Variants in FNBP1L observed in about 807,000 individuals in gnomAD.
FNBP1L encodes formin binding protein 1 like, also known as formin-binding protein 1-like.
Under a neutral mutation model 91.2 loss-of-function variants are expected in FNBP1L, and 36 were observed. The observed-to-expected ratio is 0.39, with a 90% confidence interval of 0.30 to 0.52. The LOEUF (loss-of-function observed/expected upper bound fraction) is 0.52. FNBP1L is among the 20% of genes least tolerant of loss of function. The pLI is 0.66. For synonymous variants in FNBP1L, 242 were observed against 237.0 expected (o/e 1.02, Z -0.19); for missense variants, 571 against 732.1 (o/e 0.78, Z 2.54).
chr1:93,527,795 T>C (rs546571489), intron 5 of FNBP1L, among the ~76,000 whole-genome samples: 1 of 151,814 alleles, frequency 6.6e-6, no homozygotes, highest in East Asian at 1.9e-4. Context: ...CCAGAACTAA[T>C]ATGCAGGAAA....
intron 2 of FNBP1L, among the ~76,000 whole-genome samples, chr1:93,507,604 G>C (rs1334141229): frequency 2.0e-5 from 3 of 150,582 alleles, no homozygotes; most frequent in Non-Finnish European, 4.5e-5. Flanking sequence ...AATGAGATCA[G>C]CTGCTTCGGA....
intron 16 of FNBP1L, chr1:93,551,820 T>C (rs1173395952): frequency 1.0e-6 from 1 of 985,324 alleles, no homozygotes; most frequent in African/African-American, 1.7e-5. Context: ...TTTCAATAAT[T>C]TACAAGCTTC....
chr1:93,489,664 G>A (rs1670031761), intron 1 of FNBP1L, among the ~76,000 whole-genome samples: 1 of 151,986 alleles, frequency 6.6e-6, no homozygotes, highest in South Asian at 2.1e-4. Context: ...AAGACTTGGA[G>A]GAGTTTCCCA....
chr1:93,450,269 A>C (rs1352340070), intron 1 of FNBP1L, among the ~76,000 whole-genome samples: 1 of 152,208 alleles, frequency 6.6e-6, no homozygotes, highest in African/African-American at 2.4e-5. Context: ...GTTTCTCAGC[A>C]ATCTGAAAAG....
At position 93,554,447 on chromosome 1, in the gene FNBP1L, G is replaced by A. The variant is rs918433629; in HGVS notation, c.*2031G>A. 3 of 152,594 alleles carry A rather than the reference G, an allele frequency of 2.0e-5. No individual in the cohort carries two copies. The highest frequency in any genetic ancestry group is 7.2e-5 in the African/African-American group (3 of 41,426). The allele number at this position is 152,594 out of a possible 1,614,324, so 9.5% of individuals were successfully genotyped here. A position where few individuals can be genotyped will look rare whatever the true frequency, so the allele number is the denominator to read the frequency against. ...GTGGAATAGTGCAACCTGTATATGG[G>A]TTATTATAATAGGAAAGACATTTGT... On this transcript the variant is annotated 3_prime_UTR_variant, in exon 17 of 17. Transcript: ENST00000271234.
At chr1:93,505,110 CTT>C (rs61426757) in intron 2 of FNBP1L, among the ~76,000 whole-genome samples, 14 of 125,180 alleles carry the variant, frequency 1.1e-4, no homozygotes, top group Admixed American at 1.7e-4. Flanking sequence ...CAGCTTCATT[CTT>C]TTTTTTTTTT....
At chr1:93,528,341 A>G (rs967464049) in intron 5 of FNBP1L, among the ~76,000 whole-genome samples, 1 of 152,188 alleles carries the variant, frequency 6.6e-6, no homozygotes, top group Non-Finnish European at 1.5e-5. Flanking sequence ...CATGGTTTAT[A>G]CAATGGGTCA....
At chr1:93,464,593 A>G (rs955723306) in intron 1 of FNBP1L, among the ~76,000 whole-genome samples, 9 of 152,090 alleles carry the variant, frequency 5.9e-5, no homozygotes, top group Non-Finnish European at 1.3e-4. Flanking sequence ...CATGTTTCCA[A>G]TTTCAATCAT....
intron 1 of FNBP1L, among the ~76,000 whole-genome samples, chr1:93,448,831 G>T (rs1378516365): frequency 6.6e-6 from 1 of 152,156 alleles, no homozygotes; most frequent in Non-Finnish European, 1.5e-5. Flanking sequence ...CCTCGCCCCA[G>T]GTATGGGGAC....
chr1:93,541,370 G>C (rs1468571743), intron 11 of FNBP1L, among the ~76,000 whole-genome samples: 1 of 152,114 alleles, frequency 6.6e-6, no homozygotes, highest in Non-Finnish European at 1.5e-5. Flanking sequence ...TTGTTATGCA[G>C]AAGGAAAATT....
chr1:93,483,412 A>G (rs1160323425), intron 1 of FNBP1L, among the ~76,000 whole-genome samples: 1 of 152,204 alleles, frequency 6.6e-6, no homozygotes, highest in Non-Finnish European at 1.5e-5. Context: ...TTACAGTCAC[A>G]GTAAGTCATG....
intron 2 of FNBP1L, among the ~76,000 whole-genome samples, chr1:93,511,994 A>G (rs890507012): frequency 2.7e-5 from 4 of 149,560 alleles, no homozygotes; most frequent in Non-Finnish European, 5.9e-5. Flanking sequence ...AAAAAGAGTC[A>G]AGACCCATCA....
At chr1:93,528,949 C>G (rs761718266) in intron 5 of FNBP1L, among the ~76,000 whole-genome samples, 4 of 151,978 alleles carry the variant, frequency 2.6e-5, no homozygotes, top group Non-Finnish European at 5.9e-5. Context: ...TTTTACATGG[C>G]TCAGTTGTGA....
chr1:93,457,854 C>T (rs1244095519), intron 1 of FNBP1L, among the ~76,000 whole-genome samples: 6 of 151,512 alleles, frequency 4.0e-5, no homozygotes, highest in South Asian at 2.1e-4. Context: ...TGCAGTGGCA[C>T]GATCTTGGCT....
chr1:93,485,595 T>C (rs1669870233), intron 1 of FNBP1L, among the ~76,000 whole-genome samples: 1 of 152,232 alleles, frequency 6.6e-6, no homozygotes, highest in South Asian at 2.1e-4. Context: ...AAGTATATTT[T>C]TACTCACATC....
chr1:93,477,799 C>T (rs1669549337), intron 1 of FNBP1L, among the ~76,000 whole-genome samples: 3 of 152,148 alleles, frequency 2.0e-5, no homozygotes, highest in Admixed American at 6.6e-5. Flanking sequence ...TATAACCATA[C>T]CCTGCATTAG....
intron 2 of FNBP1L, among the ~76,000 whole-genome samples, chr1:93,516,409 AC>A (rs1345474279): frequency 6.6e-6 from 1 of 152,076 alleles, no homozygotes; most frequent in Non-Finnish European, 1.5e-5. Flanking sequence ...TTCAAGTTCC[AC>A]CCACAGGAGT....
intron 1 of FNBP1L, among the ~76,000 whole-genome samples, chr1:93,451,626 A>G (rs537469913): frequency 6.6e-6 from 1 of 152,248 alleles, no homozygotes; most frequent in South Asian, 2.1e-4. Context: ...GTAATTTAAA[A>G]GCCATTGTTA....
At chr1:93,546,385 G>A (rs1240681735) in intron 12 of FNBP1L, among the ~76,000 whole-genome samples, 5 of 152,066 alleles carry the variant, frequency 3.3e-5, no homozygotes, top group African/African-American at 4.8e-5. Flanking sequence ...CTGACTTTGG[G>A]TGGGGGCAAG....
Sources: allele counts gnomAD v4.1 joint callset (sites outside exome capture counted in the v4.1 genomes callset), GRCh38; gene constraint gnomAD v4.1.1; transcripts MANE v1.5; gene names NCBI Gene and HGNC (gene_info 2026-07-23, HGNC 2026-07-21).